Variants in ABCA13 observed in about 807,000 individuals in gnomAD.
The protein encoded by ABCA13 is ATP-binding cassette sub-family A member 13.
Under a neutral mutation model 478.7 loss-of-function variants are expected in ABCA13, and 476 were observed. The ratio of observed to expected loss-of-function variants is 0.99; its 90% CI spans 0.92 to 1.07. The LOEUF is 1.07. Ranked by LOEUF, ABCA13 falls within the 50% of genes least tolerant of loss-of-function variation. The pLI, the probability that ABCA13 is intolerant of heterozygous loss-of-function variation, is 0.00. For missense variants in ABCA13, 6,060 were observed against 5,910.6 expected (o/e 1.03, Z -0.83); for synonymous variants, 2,252 against 2,158.9 (o/e 1.04, Z -1.20).
At chr7:48,606,935 A>G (rs1014535183) in intron 58 of ABCA13, among the ~76,000 whole-genome samples, 1 of 152,046 alleles carries the variant, frequency 6.6e-6, no homozygotes, top group Non-Finnish European at 1.5e-5. Context: ...ATCTAGAGAG[A>G]CACTTAGCCT....
At chr7:48,507,325 C>T (rs1831303254) in intron 49 of ABCA13, among the ~76,000 whole-genome samples, 1 of 152,174 alleles carries the variant, frequency 6.6e-6, no homozygotes, top group African/African-American at 2.4e-5. Flanking sequence ...CAGCAATTGA[C>T]TTGAGTAAAA....
At chr7:48,596,868 C>T (rs1168898165) in intron 58 of ABCA13, among the ~76,000 whole-genome samples, 1 of 152,054 alleles carries the variant, frequency 6.6e-6, no homozygotes, top group Non-Finnish European at 1.5e-5. Context: ...TGGCTTTCTG[C>T]CTCTGTAAAT....
chr7:48,636,280 C>T (rs1794628931), intron 59 of ABCA13, among the ~76,000 whole-genome samples: 1 of 152,186 alleles, frequency 6.6e-6, no homozygotes, highest in African/African-American at 2.4e-5. Flanking sequence ...CAGCCGCCTC[C>T]CATATAGGCA....
chr7:48,627,113 CTTAT>C, intron 59 of ABCA13: 2 of 885,916 alleles, frequency 2.3e-6, no homozygotes, highest in Non-Finnish European at 2.7e-6. Context: ...TGTGCATGGT[CTTAT>C]TTAATCTTTA....
At chr7:48,181,484 CTTCTT>C (rs2128871198) in intron 1 of ABCA13, among the ~76,000 whole-genome samples, 1 of 151,820 alleles carries the variant, frequency 6.6e-6, no homozygotes, top group Admixed American at 6.6e-5. Context: ...TTTCTGCTCT[CTTCTT>C]GTTTTACTAA....
At chr7:48,536,240 G>A (rs1461133293) in intron 55 of ABCA13, among the ~76,000 whole-genome samples, 1 of 149,400 alleles carries the variant, frequency 6.7e-6, no homozygotes, top group Non-Finnish European at 1.5e-5. Flanking sequence ...TCATTTAATG[G>A]TAATATTTCT....
chr7:48,232,644 T>A (rs1259904149), intron 7 of ABCA13, among the ~76,000 whole-genome samples: 1 of 152,206 alleles, frequency 6.6e-6, no homozygotes, highest in Non-Finnish European at 1.5e-5. Flanking sequence ...AAACTGTTAA[T>A]CTACACATTC....
At chr7:48,354,832 C>T (rs576399462) in intron 31 of ABCA13, among the ~76,000 whole-genome samples, 12 of 152,054 alleles carry the variant, frequency 7.9e-5, no homozygotes, top group East Asian at 3.9e-4. Flanking sequence ...TCTGAGATCT[C>T]GAAAGAACTC....
intron 42 of ABCA13, among the ~76,000 whole-genome samples, chr7:48,434,193 A>G (rs904307562): frequency 4.2e-4 from 64 of 152,110 alleles, no homozygotes; most frequent in African/African-American, 1.4e-3. Flanking sequence ...CACCTTTTAA[A>G]TAATAATCAT....
intron 55 of ABCA13, among the ~76,000 whole-genome samples, chr7:48,562,467 C>T (rs1321984745): frequency 1.3e-5 from 2 of 151,876 alleles, no homozygotes; most frequent in East Asian, 3.9e-4. Flanking sequence ...GGCAAGGGAC[C>T]ATGGGGAATG....
chr7:48,508,953 G>A (rs1416958964), intron 50 of ABCA13, among the ~76,000 whole-genome samples: 4 of 152,000 alleles, frequency 2.6e-5, no homozygotes, highest in Admixed American at 1.3e-4. Flanking sequence ...ACAATTTATC[G>A]GGGTCACACC....
Position 48,528,241 on chromosome 7 carries a change from T to C in ABCA13, c.14250T>C (p.Phe4750=). 1 of 1,571,736 alleles carries C rather than the reference T, an allele frequency of 6.4e-7. No individual in the cohort carries two copies. Among genetic ancestry groups the C allele is most frequent in the Non-Finnish European group, 8.6e-7 (1 of 1,157,006 alleles). Residue 4750 remains phenylalanine, a synonymous_variant, in exon 55 of 62, where the codon TTT becomes TTC. Transcript: ENST00000435803. ...ISLGIPKGEC[F]GLLGVNGAGK... ...TTAACTTTGTTTCCTCTTAGTGCTT[T>C]GGACTTCTAGGGGTGAATGGAGCTG... is the stretch of plus-strand genomic sequence containing the variant.
chr7:48,429,430 G>A (rs919142660), intron 42 of ABCA13, among the ~76,000 whole-genome samples: 17 of 152,144 alleles, frequency 1.1e-4, no homozygotes, highest in Non-Finnish European at 2.1e-4. Context: ...CCCAACCCTT[G>A]TTATTATCTG....
chr7:48,275,684 A>G lies in ABCA13; in HGVS notation c.6018A>G (p.Val2006=), dbSNP rs1450826628. 1 of 1,599,502 alleles carries G rather than the reference A, an allele frequency of 6.3e-7. No homozygotes were observed. The highest frequency in any genetic ancestry group is 8.5e-7 in the Non-Finnish European group (1 of 1,172,030). ...NIISSNLERT[V]QLISEDWSLE... The stretch of plus-strand genomic sequence containing the variant: ...TTTCCTCAAATTTGGAAAGGACAGT[A>G]CAATTGATTTCTGAAGACTGGAGCC... Residue 2006 remains valine (V), a synonymous_variant, in exon 17 of 62, where the codon GTA becomes GTG. Coordinates refer to ENST00000435803, the MANE Select transcript of ABCA13 (RefSeq NM_152701.5).
intron 41 of ABCA13, among the ~76,000 whole-genome samples, chr7:48,427,322 T>C (rs5028266): frequency 0.27 from 41,645 of 151,992 alleles, 5,816 homozygotes; most frequent in East Asian, 0.37. Context: ...ATGGAAAGCA[T>C]ACATTTAATG....
At chr7:48,408,783 G>T (rs1190078561) in intron 39 of ABCA13, among the ~76,000 whole-genome samples, 1 of 152,024 alleles carries the variant, frequency 6.6e-6, no homozygotes. Context: ...ACAGATTATT[G>T]CATTGCTCCG....
chr7:48,185,199 T>G (rs1158926532), intron 1 of ABCA13, among the ~76,000 whole-genome samples: 1 of 152,232 alleles, frequency 6.6e-6, no homozygotes, highest in African/African-American at 2.4e-5. Flanking sequence ...CTTTGATTTG[T>G]CAACCACCTT....
rs754226529 is a variant in ABCA13, at chr7:48,272,616, T to C, written c.2950T>C (p.Ser984Pro). The C allele has an allele frequency of 6.8e-6, 11 of 1,613,092 alleles. No individual in the cohort carries two copies. The Admixed American group carries it at 8.3e-5, about 12-fold the overall frequency. Residue 984 changes from serine (S) to proline (P), a missense_variant, in exon 17 of 62, where the codon TCG becomes CCG. Ser to Pro is a moderately conservative substitution (Grantham distance 74). Around this residue, in one of 3 missense-constraint regions of ABCA13, gnomAD observed 4,423 missense variants for 4,309.1 expected, o/e 1.03. Coordinates refer to ENST00000435803, the MANE Select transcript of ABCA13 (RefSeq NM_152701.5). ...ELLNIQSRGS[S>P]LTFLTQISKH... Reference sequence around the variant, plus strand: ...ATTGAATATTCAGAGTAGAGGCTCTTCGTTGACTTTCCTTACACAAATCTC... The same window carrying C: ...ATTGAATATTCAGAGTAGAGGCTCTCCGTTGACTTTCCTTACACAAATCTC...
chr7:48,292,968 C>A (rs1798746113), intron 20 of ABCA13, among the ~76,000 whole-genome samples: 1 of 152,162 alleles, frequency 6.6e-6, no homozygotes, highest in African/African-American at 2.4e-5. Flanking sequence ...TATAGGATTT[C>A]TGTTCAAGTT....
Sources: gnomAD v4.1 joint callset for allele counts (sites outside exome capture counted in the v4.1 genomes callset) on GRCh38, gnomAD v4.1.1 for gene constraint, gnomAD v4.1.1 regional missense constraint, MANE v1.5 for transcripts, NCBI Gene and HGNC (gene_info 2026-07-23, HGNC 2026-07-21) for gene names.